Variants in SORBS2 observed in about 807,000 individuals in gnomAD.
The protein encoded by SORBS2 is sorbin and SH3 domain containing 2, also known as sorbin and SH3 domain-containing protein 2.
In SORBS2, 46 loss-of-function variants were observed where a neutral mutation model predicts 97.7. That is an observed-to-expected ratio of 0.47 (90% confidence interval 0.37 to 0.60). The LOEUF (loss-of-function observed/expected upper bound fraction) is 0.60, where lower values mean the gene tolerates loss of function less well. SORBS2 is among the 20% of genes least tolerant of loss of function. The pLI, the probability that SORBS2 is intolerant of heterozygous loss-of-function variation, is 0.00. For missense variants in SORBS2, 1,316 were observed against 1,282.3 expected (o/e 1.03, Z -0.40); for synonymous variants, 476 against 473.4 (o/e 1.01, Z -0.07).
intron 12 of SORBS2, among the ~76,000 whole-genome samples, chr4:185,599,469 A>G (rs929855101): frequency 2.0e-5 from 3 of 152,226 alleles, no homozygotes; most frequent in Non-Finnish European, 4.4e-5. Flanking sequence ...GAATCCAGAC[A>G]GCAGTATGGG....
intron 1 of SORBS2, among the ~76,000 whole-genome samples, chr4:185,879,558 T>C (rs933387686): frequency 2.0e-5 from 3 of 152,206 alleles, no homozygotes; most frequent in Admixed American, 6.5e-5. Context: ...CTGGGTCAAA[T>C]GGTATTTCTA....
intron 1 of SORBS2, among the ~76,000 whole-genome samples, chr4:185,923,115 G>T (rs1350183706): frequency 2.0e-5 from 3 of 152,128 alleles, no homozygotes; most frequent in African/African-American, 7.2e-5. Flanking sequence ...TGTATGGGGG[G>T]AGCCCCACAC....
At position 185,936,406 on chromosome 4, in the gene SORBS2, A is replaced by G. The variant is rs181024052; in HGVS notation, c.-338+19790T>C. 2.6e-5 allele frequency among the ~76,000 whole-genome samples: 4 copies of G among 152,324 alleles called. No homozygotes were observed. In the East Asian group the frequency reaches 7.7e-4, roughly 29 times the overall value. ...GGCTGAATGCAGTTGCACATAGGCA[A>G]TGGGTACTGAAACCATCAATTACAC... On this transcript the variant is annotated intron_variant, in intron 1 of 20. Coordinates refer to the SORBS2 transcript ENST00000284776.
intron 2 of SORBS2, among the ~76,000 whole-genome samples, chr4:185,652,346 G>A (rs2097329580): frequency 6.6e-6 from 1 of 152,154 alleles, no homozygotes; most frequent in African/African-American, 2.4e-5. Context: ...AGACAGGGGT[G>A]GACAGAGGAA....
chr4:185,620,095 G>C lies in SORBS2; in HGVS notation c.2272C>G (p.Pro758Ala). Residue 758 changes from proline to alanine, a missense_variant, in exon 8 of 15, where the codon CCA becomes GCA. Transcript: ENST00000418609. ...TCTGGAGTTCCTCTTCTTTCCCTTGGTGCACTTCTCCCCATGTCAGTCAAA... is the reference window on the plus strand; with the variant it reads ...TCTGGAGTTCCTCTTCTTTCCCTTGCTGCACTTCTCCCCATGTCAGTCAAA... 1 of 1,611,948 alleles carries C rather than the reference G, an allele frequency of 6.2e-7. No homozygotes were observed. The highest frequency in any genetic ancestry group is 8.5e-7 in the Non-Finnish European group (1 of 1,178,106).
intron 1 of SORBS2, among the ~76,000 whole-genome samples, chr4:185,931,537 G>T (rs1455431710): frequency 3.3e-5 from 5 of 152,068 alleles, no homozygotes; most frequent in Non-Finnish European, 1.5e-5. Flanking sequence ...TCAAGGCCGG[G>T]GGTTATTACT....
chr4:185,600,052 C>T (rs2096223492), intron 12 of SORBS2, among the ~76,000 whole-genome samples: 1 of 152,244 alleles, frequency 6.6e-6, no homozygotes, highest in Admixed American at 6.5e-5. Context: ...CTTTTTACGT[C>T]AGCCTGGAAA....
intron 1 of SORBS2, among the ~76,000 whole-genome samples, chr4:185,782,054 C>T (rs1448287178): frequency 6.6e-6 from 1 of 152,206 alleles, no homozygotes; most frequent in Non-Finnish European, 1.5e-5. Context: ...CTGCCTGGCC[C>T]TAAGTAGGGG....
chr4:185,768,576 G>GT (rs1167791480), intron 2 of SORBS2, among the ~76,000 whole-genome samples: 1 of 151,958 alleles, frequency 6.6e-6, no homozygotes, highest in Non-Finnish European at 1.5e-5. Flanking sequence ...ACACGTGCCT[G>GT]TAATCCCAGC....
At chr4:185,793,826 T>C (rs2099092560) in intron 1 of SORBS2, among the ~76,000 whole-genome samples, 1 of 152,236 alleles carries the variant, frequency 6.6e-6, no homozygotes, top group Non-Finnish European at 1.5e-5. Flanking sequence ...CTATGATCTA[T>C]GCACAGCATC....
chr4:185,718,877 A>C (rs935112292), intron 2 of SORBS2, among the ~76,000 whole-genome samples: 6 of 152,214 alleles, frequency 3.9e-5, no homozygotes, highest in Non-Finnish European at 7.3e-5. Context: ...ATCTACCTTC[A>C]TAAGAGCAGT....
intron 1 of SORBS2, among the ~76,000 whole-genome samples, chr4:185,839,102 A>G (rs2099209959): frequency 6.6e-6 from 1 of 152,226 alleles, no homozygotes; most frequent in South Asian, 2.1e-4. Context: ...TCTTTCTCAT[A>G]ACATGCAGTC....
intron 1 of SORBS2, among the ~76,000 whole-genome samples, chr4:185,785,355 A>T (rs1375643970): frequency 6.6e-6 from 1 of 152,232 alleles, no homozygotes; most frequent in Non-Finnish European, 1.5e-5. Flanking sequence ...AGTTAAAAAT[A>T]CACAGGCAAC....
intron 2 of SORBS2, among the ~76,000 whole-genome samples, chr4:185,718,659 G>A (rs2098485568): frequency 2.0e-5 from 3 of 152,172 alleles, no homozygotes; most frequent in Admixed American, 2.0e-4. Context: ...CCACTTAGAA[G>A]TCTGAGGTTG....
intron 2 of SORBS2, among the ~76,000 whole-genome samples, chr4:185,702,659 C>CTT (rs35920261): frequency 5.4e-5 from 8 of 147,554 alleles, no homozygotes; most frequent in African/African-American, 1.5e-4. Flanking sequence ...TGTTACATGA[C>CTT]TTTTTTTTTT....
At chr4:185,672,549 T>A (rs2097728397) in intron 4 of SORBS2, among the ~76,000 whole-genome samples, 1 of 152,234 alleles carries the variant, frequency 6.6e-6, no homozygotes, top group African/African-American at 2.4e-5. Context: ...ATTTCTGGTC[T>A]GTTTGTAGGA....
rs539948412 is a variant in SORBS2 at position 185,624,918 on chromosome 4, C to T, written c.635-424G>A. On this transcript the variant is annotated intron_variant, in intron 6 of 14. Coordinates refer to ENST00000418609, the Ensembl canonical transcript of SORBS2. ...ATACCCTTACGCAATTTAATAGGGC[C>T]GGAATTTGAGCCTCATTTGATTCGT... 3.3e-5 allele frequency among the ~76,000 whole-genome samples: 5 copies of T among 152,140 alleles called. No homozygotes were observed. The South Asian group carries it at 8.3e-4, about 25-fold the overall frequency.
chr4:185,830,244 G>A (rs540614361), intron 1 of SORBS2, among the ~76,000 whole-genome samples: 1 of 152,082 alleles, frequency 6.6e-6, no homozygotes, highest in South Asian at 2.1e-4. Context: ...GCACATTCTG[G>A]TTGGCCCTCT....
chr4:185,813,904 T>C (rs1018386778), intron 1 of SORBS2, among the ~76,000 whole-genome samples: 1 of 152,146 alleles, frequency 6.6e-6, no homozygotes, highest in African/African-American at 2.4e-5. Context: ...GACTGTTCTA[T>C]CAACTCTCTG....
Sources: gnomAD v4.1 joint callset for allele counts (sites outside exome capture counted in the v4.1 genomes callset) on GRCh38, gnomAD v4.1.1 for gene constraint, MANE v1.5 for transcripts, NCBI Gene and HGNC (gene_info 2026-07-23, HGNC 2026-07-21) for gene names.